Variants in CTDP1 observed in about 807,000 individuals in gnomAD.
The protein encoded by CTDP1 is CTD phosphatase 1.
CTDP1 carries 47 observed loss-of-function variants against 91.8 expected under a neutral mutation model. That is an observed-to-expected ratio of 0.51 (90% CI 0.41 to 0.65). CTDP1 has a LOEUF of 0.65. Ranked by LOEUF, CTDP1 falls within the 30% of genes least tolerant of loss-of-function variation. The pLI, the probability that CTDP1 is intolerant of heterozygous loss-of-function variation, is 0.00. For missense variants in CTDP1, 1,272 were observed against 1,373.7 expected (o/e 0.93, Z 1.17); for synonymous variants, 656 against 598.5 (o/e 1.10, Z -1.40).
At chr18:79,728,323 C>T (rs1226192706) in intron 10 of CTDP1, among the ~76,000 whole-genome samples, 1 of 152,166 alleles carries the variant, frequency 6.6e-6, no homozygotes, top group East Asian at 1.9e-4. Flanking sequence ...TGGTCTCGAA[C>T]TCCTCACCTG....
chr18:79,725,870 T>C (rs1449285303), intron 10 of CTDP1, among the ~76,000 whole-genome samples: 1 of 152,232 alleles, frequency 6.6e-6, no homozygotes, highest in Non-Finnish European at 1.5e-5. Context: ...TCCGTGGTTC[T>C]GATGAGTGAT....
At chr18:79,696,561 A>G (rs563230442) in intron 3 of CTDP1, among the ~76,000 whole-genome samples, 29 of 152,212 alleles carry the variant, frequency 1.9e-4, no homozygotes, top group African/African-American at 5.5e-4. Context: ...CTTGTTGGCT[A>G]CAGGAGCGGC....
At chr18:79,755,352 G>A (rs1227702535), downstream of CTDP1, 3 of 152,228 alleles carry the variant, frequency 2.0e-5, no homozygotes, top group African/African-American at 7.2e-5. Flanking sequence ...ACGCCGGTCA[G>A]GGAGTTCCTC....
chr18:79,727,720 G>T (rs892473543), intron 10 of CTDP1, among the ~76,000 whole-genome samples: 1 of 152,110 alleles, frequency 6.6e-6, no homozygotes, highest in African/African-American at 2.4e-5. Flanking sequence ...CACCAGGATG[G>T]GTTTTATCAC....
intron 4 of CTDP1, among the ~76,000 whole-genome samples, chr18:79,698,217 C>G (rs141414048): frequency 6.6e-6 from 1 of 152,212 alleles, no homozygotes. Flanking sequence ...CGCTTCCTTC[C>G]GTGTGTGTGG....
chr18:79,734,802 A>G (rs1208397151), intron 11 of CTDP1, among the ~76,000 whole-genome samples: 1 of 152,250 alleles, frequency 6.6e-6, no homozygotes, highest in Non-Finnish European at 1.5e-5. Flanking sequence ...CAGTGATGTA[A>G]GCATTCTGGT....
chr18:79,696,092 G>T, intron 3 of CTDP1, 22 bp downstream of exon 3: 3 of 1,604,420 alleles, frequency 1.9e-6, no homozygotes, highest in Non-Finnish European at 2.5e-6. Context: ...ATCAGTGGCG[G>T]CGTGTTGGGG....
Position 79,714,636 on chromosome 18 carries a change from G to T in CTDP1, c.1176G>T (p.Pro392=), listed in dbSNP as rs777803105. The change falls in exon 8 of 13, where the codon CCG becomes CCT. Residue 392 remains proline (P), a synonymous_variant. Coordinates refer to ENST00000613122, the MANE Select transcript of CTDP1 (RefSeq NM_004715.5). ...RELNGSEAAT[P]RDSPRPGKPD... ...TGAACGGCAGCGAGGCCGCCACCCC[G>T]CGGGACTCACCCCGCCCCGGGAAGC... is the stretch of plus-strand genomic sequence containing the variant. 2.5e-6 allele frequency: 4 copies of T among 1,612,384 alleles called. No homozygotes were observed. The East Asian group carries it at 8.9e-5, about 36-fold the overall frequency.
At chr18:79,708,793 C>T (rs114017770) in intron 5 of CTDP1, among the ~76,000 whole-genome samples, 555 of 152,364 alleles carry the variant, frequency 3.6e-3, no homozygotes, top group African/African-American at 0.012. Flanking sequence ...GGCACCTGCA[C>T]GTGTCAGGCC....
rs747760775 is a variant in CTDP1, at chr18:79,736,464, G to T, written c.2690G>T (p.Arg897Leu). ...CGGAAGCCAGGGACCCGCAGGGAGC[G>T]GACGCTCGGGGCACCTGCGTCCAGC... ...QPRKPGTRRE[R>L]TLGAPASSER... The change falls in exon 12 of 13, where the codon CGG becomes CTG. Residue 897 changes from arginine to leucine, a missense_variant. By Grantham distance (102) the Arg-to-Leu change is moderately radical. Coordinates refer to ENST00000613122, the MANE Select transcript of CTDP1 (RefSeq NM_004715.5). The T allele has an allele frequency of 1.9e-6, 3 of 1,548,702 alleles. No homozygotes were observed. The highest frequency in any genetic ancestry group is 2.6e-6 in the Non-Finnish European group (3 of 1,146,872).
At position 79,680,085 on chromosome 18, in the gene CTDP1, C is replaced by T. The variant is rs2085325559; in HGVS notation, c.138C>T (p.Gly46=). The T allele has an allele frequency of 7.6e-7, 1 of 1,319,860 alleles. No individual in the cohort carries two copies. The allele number at this position is 1,319,860 out of a possible 1,614,324, so 81.8% of individuals were successfully genotyped here. The stretch of plus-strand genomic sequence containing the variant: ...CGGCGGGCGCGGCCGTGCGCATCGG[C>T]TCGGTGCTGGCCGTGTTCGAGGCCG... ...RVAAGAAVRI[G]SVLAVFEAAA... The change falls in exon 1 of 13, where the codon GGC becomes GGT. Residue 46 remains glycine (G), a synonymous_variant. Coordinates refer to ENST00000613122, the MANE Select transcript of CTDP1 (RefSeq NM_004715.5).
In CTDP1 at chr18:79,717,799, TC is replaced by T; in HGVS notation, c.2211-9del. On this transcript the variant is annotated splice_polypyrimidine_tract_variant and intron_variant, in intron 9 of 12. Transcript: ENST00000613122. ...GCCCCGCTCATGGCCCTCGTTCTCTTCCTCCGACAGGGAGAACAGCCCTGCG... is the reference window on the plus strand; with the variant it reads ...GCCCCGCTCATGGCCCTCGTTCTCTTCTCCGACAGGGAGAACAGCCCTGCG... The T allele has an allele frequency of 6.2e-7, 1 of 1,613,706 alleles. No individual in the cohort carries two copies. Among genetic ancestry groups the T allele is most frequent in the Non-Finnish European group, 8.5e-7 (1 of 1,179,960 alleles).
chr18:79,751,540 C>G (rs1051358953), intron 12 of CTDP1, among the ~76,000 whole-genome samples: 1 of 152,150 alleles, frequency 6.6e-6, no homozygotes, highest in Non-Finnish European at 1.5e-5. Context: ...GTTCTCTTGT[C>G]TTCTGTTGGT....
At chr18:79,746,463 C>T (rs1171080218) in intron 12 of CTDP1, among the ~76,000 whole-genome samples, 1 of 152,248 alleles carries the variant, frequency 6.6e-6, no homozygotes, top group Non-Finnish European at 1.5e-5. Flanking sequence ...AGGTTGTGTT[C>T]GTTCTCCCTT....
chr18:79,683,543 C>T (rs1441263248), intron 1 of CTDP1, among the ~76,000 whole-genome samples: 1 of 152,194 alleles, frequency 6.6e-6, no homozygotes, highest in Non-Finnish European at 1.5e-5. Flanking sequence ...CCCCGTGGCT[C>T]TTGGTGAGAG....
chr18:79,728,457 G>A (rs2086496150), intron 10 of CTDP1, among the ~76,000 whole-genome samples: 1 of 152,006 alleles, frequency 6.6e-6, no homozygotes, highest in Non-Finnish European at 1.5e-5. Context: ...GCCGTTTTTT[G>A]TGTCTGTTTT....
intron 5 of CTDP1, among the ~76,000 whole-genome samples, chr18:79,708,776 G>A (rs2086020578): frequency 6.6e-6 from 1 of 152,252 alleles, no homozygotes; most frequent in African/African-American, 2.4e-5. Flanking sequence ...TCCCCGTTTT[G>A]TTCCACGGCA....
Position 79,736,833 on chromosome 18 carries a change from GGC to G in CTDP1, c.2747+313_2747+314del, listed in dbSNP as rs536372231. Among the ~76,000 whole-genome samples, 732 of 151,808 alleles carry G rather than the reference GGC, an allele frequency of 4.8e-3. 4 individuals carry two copies. Among genetic ancestry groups the G allele is most frequent in the African/African-American group, 0.016 (680 of 41,392 alleles). ...TGGTGGGGGTATGCACGTGTGCGCA[GGC>G]ATGTGTGAGGTGTCTACAGGCGTGT... On this transcript the variant is annotated intron_variant, in intron 12 of 12. Coordinates refer to ENST00000613122, the MANE Select transcript of CTDP1 (RefSeq NM_004715.5).
chr18:79,738,009 C>G (rs1450728839), intron 12 of CTDP1, among the ~76,000 whole-genome samples: 1 of 143,318 alleles, frequency 7.0e-6, no homozygotes, highest in East Asian at 2.0e-4. Flanking sequence ...CGGCCTCCCC[C>G]GCAGGTCCCC....
Sources: allele counts gnomAD v4.1 joint callset (sites outside exome capture counted in the v4.1 genomes callset), GRCh38; gene constraint gnomAD v4.1.1; transcripts MANE v1.5; gene names NCBI Gene and HGNC (gene_info 2026-07-23, HGNC 2026-07-21).